NEK6: variants seen among roughly 807,000 people sequenced by gnomAD.
NEK6 encodes NIMA related kinase 6, also known as serine/threonine-protein kinase Nek6.
NEK6 carries 27 observed loss-of-function variants against 43.5 expected under a neutral mutation model. That is an observed-to-expected ratio of 0.62 (90% confidence interval 0.46 to 0.86). The LOEUF (loss-of-function observed/expected upper bound fraction) is 0.86, where lower values mean the gene tolerates loss of function less well. Among genes scored for constraint, NEK6 ranks in the 40% least tolerant of loss-of-function variants. The pLI is 0.00. For missense variants in NEK6, 318 were observed against 414.4 expected (o/e 0.77, Z 2.02); for synonymous variants, 167 against 164.1 (o/e 1.02, Z -0.14).
chr9:124,261,362 C>T (rs935293160), intron 1 of NEK6: 1 of 960,860 alleles, frequency 1.0e-6, no homozygotes, highest in Non-Finnish European at 1.2e-6. Context: ...AAGAATATTT[C>T]CTTCCTCTTC....
At chr9:124,306,697 T>C (rs763818280) in intron 2 of NEK6, among the ~76,000 whole-genome samples, 3 of 152,210 alleles carry the variant, frequency 2.0e-5, no homozygotes, top group African/African-American at 7.2e-5. Flanking sequence ...AAAGGGAAGA[T>C]GGGCTTTGGG....
chr9:124,281,487 C>CTTTTTTT (rs759381068), intron 1 of NEK6, among the ~76,000 whole-genome samples: 43 of 102,956 alleles, frequency 4.2e-4, no homozygotes, highest in East Asian at 6.4e-4. Flanking sequence ...GCTGTTTTTT[C>CTTTTTTT]TTTTTTTTTT....
At chr9:124,279,568 G>T (rs1403531164) in intron 1 of NEK6, among the ~76,000 whole-genome samples, 1 of 152,302 alleles carries the variant, frequency 6.6e-6, no homozygotes, top group South Asian at 2.1e-4. Context: ...CTCCCAAAGT[G>T]CTGGGATTAC....
rs1240817706 is a variant in NEK6 at position 124,343,968 on chromosome 9, A to T, written c.718-3741A>T. 6.6e-6 allele frequency among the ~76,000 whole-genome samples: 1 copy of T among 152,144 alleles called. No individual in the cohort carries two copies. The highest frequency in any genetic ancestry group is 6.5e-5 in the Admixed American group (1 of 15,284). On this transcript the variant is annotated intron_variant, in intron 8 of 9. Coordinates refer to ENST00000320246, the MANE Select transcript of NEK6 (RefSeq NM_014397.6). The surrounding 1 kb of genome is among the most constrained non-coding windows in gnomAD (Gnocchi z 5.1). Reference sequence around the variant, plus strand: ...AGGATTCTGGAGGCCAGATGTCCAAAATCAGTCTCGCTGGGCTAAGTCAAG... The same window carrying T: ...AGGATTCTGGAGGCCAGATGTCCAATATCAGTCTCGCTGGGCTAAGTCAAG...
intron 1 of NEK6, among the ~76,000 whole-genome samples, chr9:124,289,306 C>T (rs1048601281): frequency 1.3e-5 from 2 of 151,908 alleles, no homozygotes; most frequent in African/African-American, 4.8e-5. Context: ...GGTCAGGACT[C>T]AGGCCTGCAT....
intron 2 of NEK6, 38 bp downstream of exon 2, chr9:124,302,092 T>C (rs750693649): frequency 4.8e-6 from 7 of 1,457,986 alleles, no homozygotes; most frequent in Non-Finnish European, 5.6e-6. Context: ...CACTGAAGAG[T>C]TCCCAAGGAA....
intron 7 of NEK6, among the ~76,000 whole-genome samples, chr9:124,337,275 A>G (rs1248967797): frequency 6.6e-6 from 1 of 152,004 alleles, no homozygotes; most frequent in Admixed American, 6.5e-5. Flanking sequence ...GCCCTCCACA[A>G]TTTCCTCAGT....
intron 4 of NEK6, among the ~76,000 whole-genome samples, chr9:124,318,830 C>T (rs1833935821): frequency 6.6e-6 from 1 of 151,964 alleles, no homozygotes; most frequent in South Asian, 2.1e-4. Context: ...CACCATCATG[C>T]TCGGCTAATT....
intron 1 of NEK6, among the ~76,000 whole-genome samples, chr9:124,265,367 C>CA (rs1831191879): frequency 6.6e-6 from 1 of 151,956 alleles, no homozygotes; most frequent in Non-Finnish European, 1.5e-5. Flanking sequence ...ACTAAAAATA[C>CA]AAAAATTAGC....
chr9:124,344,126 G>C (rs1829794406), intron 8 of NEK6, among the ~76,000 whole-genome samples: 1 of 152,180 alleles, frequency 6.6e-6, no homozygotes, highest in African/African-American at 2.4e-5. Flanking sequence ...GTGTGCGTCA[G>C]CCTGGCGTCT....
At position 124,281,487 on chromosome 9, in the gene NEK6, C is replaced by CTTTTT. The variant is rs759381068; in HGVS notation, c.-29-20423_-29-20419dup. On this transcript the variant is annotated intron_variant, in intron 1 of 9. Transcript: ENST00000320246. ...CTACTTTCCATGTCAGCTGTTTTTT[C>CTTTTT]TTTTTTTTTTTTTTTTTTTTTTTTT... Among the ~76,000 whole-genome samples, 77 of 102,952 alleles carry CTTTTT rather than the reference C, an allele frequency of 7.5e-4. 2 individuals are homozygous for CTTTTT. Among genetic ancestry groups the CTTTTT allele is most frequent in the African/African-American group, 9.3e-4 (24 of 25,708 alleles). The allele number at this position is 102,952 out of a possible 152,430, so 67.5% of individuals were successfully genotyped here. A position where few individuals can be genotyped will look rare whatever the true frequency, so the allele number is the denominator to read the frequency against.
chr9:124,314,347 TG>T (rs1024789916), intron 4 of NEK6, among the ~76,000 whole-genome samples: 1 of 152,160 alleles, frequency 6.6e-6, no homozygotes, highest in Non-Finnish European at 1.5e-5. Flanking sequence ...GAGTTCATTG[TG>T]GGGACCACAT....
intron 4 of NEK6, among the ~76,000 whole-genome samples, chr9:124,316,908 G>A (rs1365468569): frequency 6.6e-6 from 1 of 152,198 alleles, no homozygotes; most frequent in African/African-American, 2.4e-5. Context: ...TCCCTTGTTG[G>A]AGAAACTGTG....
At chr9:124,260,583 G>A (rs1830991577) in intron 1 of NEK6, among the ~76,000 whole-genome samples, 1 of 152,250 alleles carries the variant, frequency 6.6e-6, no homozygotes, top group Non-Finnish European at 1.5e-5. Context: ...TTTTAGTAGA[G>A]ATGGGGTTTC....
rs1829751266 is a variant in NEK6, at chr9:124,343,322, G to A, written c.717+3657G>A. On this transcript the variant is annotated intron_variant, in intron 8 of 9. Transcript: ENST00000320246. This position sits in a 1 kb window ranked among gnomAD's most constrained non-coding sequence, Gnocchi z 5.1. The stretch of plus-strand genomic sequence containing the variant: ...GATCGCAGCGAGGGGTGGTGTGGGG[G>A]GACAGATCACAGCCAGGGGTGGATA... 6.8e-6 allele frequency among the ~76,000 whole-genome samples: 1 copy of A among 147,732 alleles called. No individual in the cohort carries two copies. Among genetic ancestry groups the A allele is most frequent in the African/African-American group, 2.5e-5 (1 of 39,806 alleles).
chr9:124,292,560 G>A (rs1172038606), intron 1 of NEK6: 22 of 1,536,648 alleles, frequency 1.4e-5, no homozygotes, highest in East Asian at 7.3e-5. Context: ...TACAAACACC[G>A]AAGCCCTCCA....
intron 1 of NEK6, among the ~76,000 whole-genome samples, chr9:124,265,179 A>G (rs1256482541): frequency 6.6e-6 from 1 of 152,230 alleles, no homozygotes; most frequent in Non-Finnish European, 1.5e-5. Context: ...AATACATCCC[A>G]TCCAGCGGTT....
rs565642873 is a variant in NEK6 at position 124,308,081 on chromosome 9, C to T, written c.91-4428C>T. Among the ~76,000 whole-genome samples the T allele has an allele frequency of 5.1e-4, 78 of 152,304 alleles. 2 individuals carry two copies. The highest frequency in any genetic ancestry group is 3.1e-3 in the Admixed American group (47 of 15,306). ...GGCTTGCATTTGCTTATCCATTTAA[C>T]CCCCAGCAGCCCCCTGAAGGGGGTA... On this transcript the variant is annotated intron_variant, in intron 2 of 9. Coordinates refer to ENST00000320246, the MANE Select transcript of NEK6 (RefSeq NM_014397.6).
intron 1 of NEK6, among the ~76,000 whole-genome samples, chr9:124,270,074 C>G (rs757701216): frequency 1.3e-4 from 20 of 152,136 alleles, no homozygotes; most frequent in South Asian, 2.1e-4. Flanking sequence ...TCCACGCCCC[C>G]CCCCCATGCT....
Sources: allele counts gnomAD v4.1 joint callset (sites outside exome capture counted in the v4.1 genomes callset), GRCh38; gene constraint gnomAD v4.1.1; non-coding constraint Gnocchi (gnomAD v3.1); transcripts MANE v1.5; gene names NCBI Gene and HGNC (gene_info 2026-07-23, HGNC 2026-07-21).